The following CXCL13 variants were observed in gnomAD, a reference collection of about 807,000 sequenced individuals.
The protein encoded by CXCL13 is C-X-C motif chemokine ligand 13.
Under a neutral mutation model 12.2 loss-of-function variants are expected in CXCL13, and 7 were observed. The ratio of observed to expected loss-of-function variants is 0.57; its 90% confidence interval spans 0.33 to 1.07. The LOEUF (loss-of-function observed/expected upper bound fraction) is 1.07. CXCL13 is among the 50% of genes least tolerant of loss of function. CXCL13 has a pLI of 0.04. For synonymous variants in CXCL13, 47 were observed against 42.4 expected (o/e 1.11, Z -0.42); for missense variants, 113 against 127.4 (o/e 0.89, Z 0.55).
chr4:77,525,164 A>G (rs1724730967), intron 1 of CXCL13, among the ~76,000 whole-genome samples: 1 of 152,160 alleles, frequency 6.6e-6, no homozygotes, highest in South Asian at 2.1e-4. Context: ...TGCTGGCCAC[A>G]TGTTCTTGGA....
chr4:77,590,201 A>G (rs1031862111), intron 1 of CXCL13, among the ~76,000 whole-genome samples: 3 of 152,210 alleles, frequency 2.0e-5, no homozygotes, highest in African/African-American at 4.8e-5. Flanking sequence ...ATAAATTGCT[A>G]ACCACCTACC....
At chr4:77,512,772 T>C (rs1724306891) in intron 1 of CXCL13, among the ~76,000 whole-genome samples, 1 of 152,202 alleles carries the variant, frequency 6.6e-6, no homozygotes, top group East Asian at 1.9e-4. Context: ...CTTTAGTGTA[T>C]ATTTTTTGTT....
intron 1 of CXCL13, among the ~76,000 whole-genome samples, chr4:77,554,317 A>G (rs1725607888): frequency 1.3e-5 from 2 of 152,332 alleles, no homozygotes; most frequent in South Asian, 4.1e-4. Context: ...CATTTACCTT[A>G]AGAAAACTAG....
At chr4:77,605,177 C>T (rs547183940), upstream of CXCL13, among the ~76,000 whole-genome samples, 202 of 152,296 alleles carry the variant, frequency 1.3e-3, no homozygotes, top group African/African-American at 4.5e-3. Flanking sequence ...GTCTCCCTCC[C>T]TTCATGCAGA....
chr4:77,545,012 C>T (rs1483632550), intron 1 of CXCL13, among the ~76,000 whole-genome samples: 3 of 152,066 alleles, frequency 2.0e-5, no homozygotes, highest in Non-Finnish European at 1.5e-5. Flanking sequence ...GAATCCTTTC[C>T]CCATTTCTTG....
chr4:77,539,926 A>C (rs2109800211), intron 1 of CXCL13, among the ~76,000 whole-genome samples: 1 of 152,268 alleles, frequency 6.6e-6, no homozygotes, highest in African/African-American at 2.4e-5. Flanking sequence ...TAATAGTGGC[A>C]TCCAAAAGTG....
intron 1 of CXCL13, among the ~76,000 whole-genome samples, chr4:77,574,908 C>T (rs1373261069): frequency 1.3e-5 from 2 of 151,924 alleles, no homozygotes; most frequent in Non-Finnish European, 2.9e-5. Context: ...GAAATAAAAA[C>T]AGCCTTAAAG....
At chr4:77,515,367 G>A (rs899066970) in intron 1 of CXCL13, among the ~76,000 whole-genome samples, 3 of 152,062 alleles carry the variant, frequency 2.0e-5, no homozygotes, top group Non-Finnish European at 2.9e-5. Context: ...GCTTGATGGG[G>A]ATGGCATTGA....
At chr4:77,575,486 C>A (rs4101100) in intron 1 of CXCL13, among the ~76,000 whole-genome samples, 20,889 of 151,636 alleles carry the variant, frequency 0.14, 1,956 homozygotes, top group Non-Finnish European at 0.2. Context: ...GTGATGTTCC[C>A]CTCCCTGTGT....
chr4:77,601,549 C>G (rs1329975552), upstream of CXCL13, among the ~76,000 whole-genome samples: 1 of 152,226 alleles, frequency 6.6e-6, no homozygotes, highest in East Asian at 1.9e-4. Flanking sequence ...AAGAACAGCT[C>G]TTTAACCAGA....
intron 1 of CXCL13, among the ~76,000 whole-genome samples, chr4:77,597,412 T>G (rs574869941): frequency 6.6e-6 from 1 of 152,308 alleles, no homozygotes; most frequent in East Asian, 1.9e-4. Flanking sequence ...AGATTTCCAT[T>G]CTTTTGGCAA....
intron 1 of CXCL13, among the ~76,000 whole-genome samples, chr4:77,574,160 G>A (rs899576430): frequency 6.6e-6 from 1 of 151,760 alleles, no homozygotes; most frequent in Non-Finnish European, 1.5e-5. Flanking sequence ...TTCTCTTCTT[G>A]GCTCTTGTTT....
At chr4:77,567,664 C>A (rs1487244865) in intron 1 of CXCL13, among the ~76,000 whole-genome samples, 1 of 152,158 alleles carries the variant, frequency 6.6e-6, no homozygotes, top group East Asian at 1.9e-4. Context: ...GCAAAAGTGA[C>A]CTCTGGTCAT....
In CXCL13 at chr4:77,572,749, A is replaced by G. The variant is rs142559072; in HGVS notation, c.-42-33075A>G. Among the ~76,000 whole-genome samples the G allele has an allele frequency of 3.9e-5, 6 of 152,098 alleles. No individual in the cohort carries two copies. In the East Asian group the frequency reaches 1.2e-3, roughly 29 times the overall value. On this transcript the variant is annotated intron_variant, in intron 1 of 4. Transcript: ENST00000286758. Reference sequence around the variant, plus strand: ...TCATTACTATGTGTATACCAAAGGGAATATAAATTGTTCTATTATAAAGAC... The same window carrying G: ...TCATTACTATGTGTATACCAAAGGGGATATAAATTGTTCTATTATAAAGAC...
At chr4:77,579,983 G>A (rs1350339692) in intron 1 of CXCL13, among the ~76,000 whole-genome samples, 1 of 152,160 alleles carries the variant, frequency 6.6e-6, no homozygotes, top group Admixed American at 6.5e-5. Flanking sequence ...GACACAGAGA[G>A]TCAGATCAGA....
intron 1 of CXCL13, among the ~76,000 whole-genome samples, chr4:77,600,281 G>C (rs1236784911): frequency 6.6e-6 from 1 of 152,078 alleles, no homozygotes; most frequent in Non-Finnish European, 1.5e-5. Flanking sequence ...GAGCGGAATA[G>C]CTAGTTAGAT....
chr4:77,581,145 G>T (rs1726326096), intron 1 of CXCL13, among the ~76,000 whole-genome samples: 1 of 152,078 alleles, frequency 6.6e-6, no homozygotes, highest in Non-Finnish European at 1.5e-5. Flanking sequence ...TCTTTTTGAG[G>T]TGATGAAAAT....
At chr4:77,553,635 C>A (rs984368446) in intron 1 of CXCL13, among the ~76,000 whole-genome samples, 1 of 152,176 alleles carries the variant, frequency 6.6e-6, no homozygotes, top group African/African-American at 2.4e-5. Context: ...CCCATGTCAT[C>A]ACAGGGGCTG....
intron 1 of CXCL13, among the ~76,000 whole-genome samples, chr4:77,565,544 T>C (rs1725908088): frequency 6.6e-6 from 1 of 152,160 alleles, no homozygotes; most frequent in Non-Finnish European, 1.5e-5. Context: ...ATTTGCAGGG[T>C]CAATTCAGAC....
Sources: allele counts gnomAD v4.1 joint callset (sites outside exome capture counted in the v4.1 genomes callset), GRCh38; gene constraint gnomAD v4.1.1; transcripts MANE v1.5; gene names NCBI Gene and HGNC (gene_info 2026-07-23, HGNC 2026-07-21).